CPE: variants seen among roughly 807,000 people sequenced by gnomAD.
CPE encodes carbocypeptidase E.
Under a neutral mutation model 53.5 loss-of-function variants are expected in CPE, and 17 were observed. That is an observed-to-expected ratio of 0.32 (90% CI 0.22 to 0.48). The LOEUF is 0.48. CPE is among the 20% of genes least tolerant of loss of function. The probability of loss-of-function intolerance (pLI) is 0.99; values close to 1 mark genes in which losing one functional copy is unlikely to be tolerated. For synonymous variants in CPE, 226 were observed against 228.8 expected (o/e 0.99, Z 0.11); for missense variants, 524 against 614.7 (o/e 0.85, Z 1.56).
chr4:165,383,229 TATC>T (rs1730532345), intron 1 of CPE, among the ~76,000 whole-genome samples: 1 of 152,202 alleles, frequency 6.6e-6, no homozygotes, highest in Non-Finnish European at 1.5e-5. Context: ...CCCCATTAGA[TATC>T]ATACCTGCTA....
intron 1 of CPE, among the ~76,000 whole-genome samples, chr4:165,461,418 C>G (rs1451591414): frequency 6.6e-6 from 1 of 151,934 alleles, no homozygotes; most frequent in Non-Finnish European, 1.5e-5. Context: ...CATGGAGGTT[C>G]AAGATCTCGT....
At chr4:165,384,576 A>G (rs1730557680) in intron 1 of CPE, among the ~76,000 whole-genome samples, 3 of 152,220 alleles carry the variant, frequency 2.0e-5, no homozygotes, top group Non-Finnish European at 1.5e-5. Flanking sequence ...TGATTGTACC[A>G]CTGCACTCCA....
intron 1 of CPE, among the ~76,000 whole-genome samples, chr4:165,402,374 A>G (rs935085125): frequency 6.6e-6 from 1 of 152,220 alleles, no homozygotes; most frequent in Non-Finnish European, 1.5e-5. Flanking sequence ...TGGTGTTTCT[A>G]GTGATTCTGG....
chr4:165,474,287 T>C (rs1732258848), intron 3 of CPE, among the ~76,000 whole-genome samples: 1 of 152,254 alleles, frequency 6.6e-6, no homozygotes, highest in South Asian at 2.1e-4. Context: ...CTGACTTTTG[T>C]ATTTTCTCCC....
chr4:165,490,094 A>C (rs1374461245), intron 6 of CPE, among the ~76,000 whole-genome samples: 1 of 152,234 alleles, frequency 6.6e-6, no homozygotes, highest in Non-Finnish European at 1.5e-5. Context: ...GGTGATTAGT[A>C]ATTGAACACC....
intron 8 of CPE, among the ~76,000 whole-genome samples, chr4:165,496,953 T>A (rs1278730140): frequency 6.6e-6 from 1 of 152,188 alleles, no homozygotes; most frequent in African/African-American, 2.4e-5. Context: ...GACAGAGTCT[T>A]GCTCTGTCGC....
intron 1 of CPE, among the ~76,000 whole-genome samples, chr4:165,443,813 A>G (rs558078340): frequency 3.3e-5 from 5 of 152,178 alleles, no homozygotes; most frequent in Non-Finnish European, 7.3e-5. Flanking sequence ...CTAATTGCCA[A>G]TGTGATGGCA....
intron 1 of CPE, among the ~76,000 whole-genome samples, chr4:165,434,866 C>T (rs1278730152): frequency 6.6e-6 from 1 of 152,050 alleles, no homozygotes. Context: ...GTCATGGGGG[C>T]AGATCCCTGG....
chr4:165,464,237 G>A (rs570230362), intron 1 of CPE, among the ~76,000 whole-genome samples, 153 bp from the exon 2 acceptor site: 51 of 152,270 alleles, frequency 3.3e-4, no homozygotes, highest in Non-Finnish European at 5.7e-4. Context: ...AAGGATAGAA[G>A]GGGTATTTTA....
At chr4:165,390,003 T>A (rs1283283100) in intron 1 of CPE, among the ~76,000 whole-genome samples, 1 of 152,182 alleles carries the variant, frequency 6.6e-6, no homozygotes, top group East Asian at 1.9e-4. Flanking sequence ...GAGTGAACAC[T>A]TCAGAATGAA....
intron 1 of CPE, among the ~76,000 whole-genome samples, chr4:165,429,665 G>A (rs185448750): frequency 2.0e-5 from 3 of 151,024 alleles, no homozygotes; most frequent in African/African-American, 7.3e-5. Flanking sequence ...TCGTGCCTCT[G>A]CACTCCAGCT....
In CPE at chr4:165,497,580, GA is replaced by G; in HGVS notation, c.1405del (p.Met469Ter). ...EEKEELMEWWKMMSETLNF is the reference protein window; with the variant it reads ...EEKEELMEWWXMMSETLNF ...AGAAGGAAGAATTGATGGAATGGTG[GA>G]AAATGATGTCAGAAACTTTAAATTT... On this transcript the variant is annotated frameshift_variant, in exon 9 of 9. Transcript: ENST00000402744. LOFTEE classifies it high-confidence loss of function. 11 of 1,573,248 alleles carry G rather than the reference GA, an allele frequency of 7.0e-6. No homozygotes were observed. The highest frequency in any genetic ancestry group is 5.6e-5 in the Admixed American group (3 of 53,456).
At chr4:165,488,984 C>T (rs1732556114) in intron 6 of CPE, among the ~76,000 whole-genome samples, 1 of 152,186 alleles carries the variant, frequency 6.6e-6, no homozygotes, top group South Asian at 2.1e-4. Flanking sequence ...GATTAAAGAG[C>T]ACTCATTCCA....
intron 1 of CPE, among the ~76,000 whole-genome samples, chr4:165,436,437 T>C (rs971058232): frequency 1.3e-5 from 2 of 152,184 alleles, no homozygotes; most frequent in African/African-American, 2.4e-5. Flanking sequence ...GTGCATTGCA[T>C]AGAAACCATA....
intron 1 of CPE, among the ~76,000 whole-genome samples, chr4:165,385,506 C>T (rs187202143): frequency 1.4e-5 from 2 of 140,456 alleles, no homozygotes; most frequent in East Asian, 2.2e-4. Context: ...TGAAGTGGCA[C>T]GATCATGGCT....
intron 1 of CPE, among the ~76,000 whole-genome samples, chr4:165,450,709 A>G (rs1025844715): frequency 6.6e-6 from 1 of 152,220 alleles, no homozygotes; most frequent in African/African-American, 2.4e-5. Flanking sequence ...ATATTCCATC[A>G]TCTTCCTGTA....
At chr4:165,424,728 G>T (rs1731287753) in intron 1 of CPE, among the ~76,000 whole-genome samples, 1 of 151,758 alleles carries the variant, frequency 6.6e-6, no homozygotes, top group South Asian at 2.1e-4. Flanking sequence ...TAGAGACGGG[G>T]TTTCACCGTG....
At chr4:165,422,870 G>A (rs1172400708) in intron 1 of CPE, among the ~76,000 whole-genome samples, 1 of 151,526 alleles carries the variant, frequency 6.6e-6, no homozygotes, top group Non-Finnish European at 1.5e-5. Flanking sequence ...CCAGCTACTC[G>A]GGAGGCTGAG....
chr4:165,493,625 A>G (rs1732650111), intron 7 of CPE, among the ~76,000 whole-genome samples: 1 of 152,232 alleles, frequency 6.6e-6, no homozygotes, highest in African/African-American at 2.4e-5. Flanking sequence ...GTCTCTGTTA[A>G]GAAGTGCTAA....
Sources: allele counts gnomAD v4.1 joint callset (sites outside exome capture counted in the v4.1 genomes callset), GRCh38; gene constraint gnomAD v4.1.1; transcripts MANE v1.5; gene names NCBI Gene and HGNC (gene_info 2026-07-23, HGNC 2026-07-21).